The following CTNNA3 variants were observed in gnomAD, a reference collection of about 807,000 sequenced individuals.
The protein encoded by CTNNA3 is catenin alpha 3, also known as catenin alpha-3.
A neutral mutation model predicts 95.7 loss-of-function variants in CTNNA3; 76 were observed. The observed-to-expected ratio is 0.79, with a 90% CI of 0.66 to 0.96. The LOEUF (loss-of-function observed/expected upper bound fraction) is 0.96, where lower values mean the gene tolerates loss of function less well. Among genes scored for constraint, CTNNA3 ranks in the 40% least tolerant of loss-of-function variants. The pLI is 0.00. For synonymous variants in CTNNA3, 431 were observed against 374.4 expected, an observed-to-expected ratio of 1.15 and a Z score of -1.74; for missense variants, 1,191 against 1,089.8, an observed-to-expected ratio of 1.09 and a Z score of -1.31.
chr10:65,995,960 G>C (rs148771161), intron 15 of CTNNA3, among the ~76,000 whole-genome samples: 1 of 152,244 alleles, frequency 6.6e-6, no homozygotes, highest in East Asian at 1.9e-4. Context: ...GGCTGTGATC[G>C]GCAGGCCAGG....
At chr10:66,295,517 T>C (rs1330344901) in intron 12 of CTNNA3, among the ~76,000 whole-genome samples, 2 of 152,130 alleles carry the variant, frequency 1.3e-5, no homozygotes, top group African/African-American at 4.8e-5. Context: ...ATTGCACATG[T>C]AGGGGGCTGG....
intron 3 of CTNNA3, among the ~76,000 whole-genome samples, chr10:67,546,736 C>T (rs1260619016): frequency 6.6e-6 from 1 of 152,042 alleles, no homozygotes; most frequent in Non-Finnish European, 1.5e-5. Context: ...TTATATTATT[C>T]TTGATGTAAA....
intron 16 of CTNNA3, among the ~76,000 whole-genome samples, chr10:65,981,469 T>A (rs140103047): frequency 7.2e-5 from 11 of 151,954 alleles, no homozygotes; most frequent in Non-Finnish European, 1.5e-4. Context: ...AATGCCACCA[T>A]CATTGTTTAC....
chr10:67,693,855 T>C (rs1269351499), intron 1 of CTNNA3, among the ~76,000 whole-genome samples: 1 of 152,192 alleles, frequency 6.6e-6, no homozygotes, highest in Admixed American at 6.5e-5. Context: ...TTAAAACTTA[T>C]CTTCTCTGAC....
chr10:67,577,305 T>G (rs1486420263), intron 3 of CTNNA3, among the ~76,000 whole-genome samples: 3 of 150,934 alleles, frequency 2.0e-5, no homozygotes, highest in Non-Finnish European at 3.0e-5. Context: ...TGATGGCCAG[T>G]GTTTTGGCTG....
At chr10:67,352,237 A>G (rs1425639264) in intron 5 of CTNNA3, among the ~76,000 whole-genome samples, 1 of 151,982 alleles carries the variant, frequency 6.6e-6, no homozygotes, top group Non-Finnish European at 1.5e-5. Context: ...GACTCCCTAA[A>G]TCTGCCTTCA....
intron 7 of CTNNA3, among the ~76,000 whole-genome samples, chr10:67,163,754 TAAC>T (rs1452019319): frequency 6.6e-6 from 1 of 151,920 alleles, no homozygotes; most frequent in Non-Finnish European, 1.5e-5. Context: ...ACGACAATAA[TAAC>T]AATTCCTGAA....
intron 16 of CTNNA3, among the ~76,000 whole-genome samples, chr10:65,987,386 C>T (rs1216004804): frequency 6.6e-6 from 1 of 151,796 alleles, no homozygotes; most frequent in Non-Finnish European, 1.5e-5. Flanking sequence ...AGTCATCTCT[C>T]AAAAGAAGAC....
At chr10:66,879,895 T>A (rs1391465851) in intron 7 of CTNNA3, among the ~76,000 whole-genome samples, 1 of 152,090 alleles carries the variant, frequency 6.6e-6, no homozygotes, top group Admixed American at 6.6e-5. Context: ...AAATGTAGCC[T>A]GGAGCCAAAC....
At chr10:67,578,963 T>C (rs1364588649) in intron 3 of CTNNA3, among the ~76,000 whole-genome samples, 1 of 141,528 alleles carries the variant, frequency 7.1e-6, no homozygotes, top group Non-Finnish European at 1.6e-5. Context: ...GAACTATCCT[T>C]GCATCACGAT....
chr10:67,072,248 C>G (rs1856506263), intron 7 of CTNNA3, among the ~76,000 whole-genome samples: 1 of 152,260 alleles, frequency 6.6e-6, no homozygotes, highest in Non-Finnish European at 1.5e-5. Context: ...GCCACCATGC[C>G]CAACCTGTTT....
chr10:66,003,464 C>A (rs1311502127), intron 15 of CTNNA3, among the ~76,000 whole-genome samples: 1 of 151,968 alleles, frequency 6.6e-6, no homozygotes, highest in South Asian at 2.1e-4. Flanking sequence ...TACCCTTTAC[C>A]TGTTAGTGTT....
chr10:66,092,864 A>T (rs968412667), intron 14 of CTNNA3, among the ~76,000 whole-genome samples: 2 of 151,968 alleles, frequency 1.3e-5, no homozygotes, highest in African/African-American at 4.8e-5. Context: ...ATACTTCATC[A>T]TTGGTGATAA....
intron 10 of CTNNA3, among the ~76,000 whole-genome samples, chr10:66,583,998 C>G (rs1843280072): frequency 6.6e-6 from 1 of 151,628 alleles, no homozygotes; most frequent in Non-Finnish European, 1.5e-5. Context: ...TTGAGGGTTC[C>G]TTTTGGAATC....
Position 66,038,331 on chromosome 10 carries a change from G to T in CTNNA3, c.2159+30977C>A, listed in dbSNP as rs149252151. On this transcript the variant is annotated intron_variant, in intron 15 of 17. Transcript: ENST00000433211. ...ACAACATGCATTCCAGTGGCAAGGAGTCTCAGGCAGAGGATGCTTTCTATG... is the reference window on the plus strand; with the variant it reads ...ACAACATGCATTCCAGTGGCAAGGATTCTCAGGCAGAGGATGCTTTCTATG... Among the ~76,000 whole-genome samples the T allele has an allele frequency of 2.1e-3, 317 of 152,272 alleles. 3 individuals are homozygous for T. Among genetic ancestry groups the T allele is most frequent in the African/African-American group, 7.3e-3 (305 of 41,554 alleles).
chr10:67,316,728 A>T (rs879390568), intron 5 of CTNNA3, among the ~76,000 whole-genome samples: 6 of 152,124 alleles, frequency 3.9e-5, no homozygotes, highest in Non-Finnish European at 4.4e-5. Context: ...ATGGACAGAA[A>T]TTTTTTTATC....
At chr10:66,685,179 A>G (rs1464623845) in intron 9 of CTNNA3, among the ~76,000 whole-genome samples, 2 of 79,048 alleles carry the variant, frequency 2.5e-5, no homozygotes, top group African/African-American at 1.2e-4. Flanking sequence ...ATATATACAC[A>G]TATATATATA....
At chr10:67,394,780 T>C (rs1348201180) in intron 5 of CTNNA3, among the ~76,000 whole-genome samples, 1 of 152,124 alleles carries the variant, frequency 6.6e-6, no homozygotes, top group Non-Finnish European at 1.5e-5. Context: ...GCCAATGTAT[T>C]TGTGGCATTT....
chr10:67,725,981 A>G (rs1841209932), intron 1 of CTNNA3, among the ~76,000 whole-genome samples: 1 of 139,344 alleles, frequency 7.2e-6, no homozygotes, highest in South Asian at 2.1e-4. Flanking sequence ...AATATATACT[A>G]TATACTATAT....
Sources: gnomAD v4.1 joint callset for allele counts (sites outside exome capture counted in the v4.1 genomes callset) on GRCh38, gnomAD v4.1.1 for gene constraint, MANE v1.5 for transcripts, NCBI Gene and HGNC (gene_info 2026-07-23, HGNC 2026-07-21) for gene names.